The following RUBCN variants were observed in gnomAD, a reference collection of about 807,000 sequenced individuals.
RUBCN encodes run domain Beclin-1-interacting and cysteine-rich domain-containing protein.
In RUBCN, 74 loss-of-function variants were observed where a neutral mutation model predicts 113.2. That is an observed-to-expected ratio of 0.65 (90% CI 0.54 to 0.79). RUBCN has a LOEUF of 0.79. Ranked by LOEUF, RUBCN falls within the 30% of genes least tolerant of loss-of-function variation. The pLI, the probability that RUBCN is intolerant of heterozygous loss-of-function variation, is 0.00. For missense variants in RUBCN, 1,109 were observed against 1,251.7 expected (o/e 0.89, Z 1.72); for synonymous variants, 480 against 490.0 (o/e 0.98, Z 0.27).
Position 197,675,636 on chromosome 3 carries a change from G to T in RUBCN, c.2647-121C>A. The T allele has an allele frequency of 1.3e-6, 1 of 778,718 alleles. No individual in the cohort carries two copies. Among genetic ancestry groups the T allele is most frequent in the Non-Finnish European group, 2.3e-6 (1 of 442,740 alleles). The allele number at this position is 778,718 out of a possible 1,614,324, so 48.2% of individuals were successfully genotyped here. Reference sequence around the variant, plus strand: ...TCTGCTGCCCACAGGGAGGAGGCCTGGGCTGGACTCAGAAGCATGAAAGCT... The same window carrying T: ...TCTGCTGCCCACAGGGAGGAGGCCTTGGCTGGACTCAGAAGCATGAAAGCT... On this transcript the variant is annotated intron_variant, in intron 18 of 19. Coordinates refer to ENST00000296343, the MANE Select transcript of RUBCN (RefSeq NM_014687.4). This position sits in a 1 kb window ranked among gnomAD's most constrained non-coding sequence, Gnocchi z 4.4.
At chr3:197,682,438 T>C in intron 14 of RUBCN, 32 bp downstream of exon 14, 1 of 1,613,748 alleles carries the variant, frequency 6.2e-7, no homozygotes, top group Non-Finnish European at 8.5e-7. Context: ...GACGGATCTG[T>C]GCTCCAAAGG....
At chr3:197,734,996 A>C (rs1026449265) in intron 1 of RUBCN, among the ~76,000 whole-genome samples, 2 of 152,158 alleles carry the variant, frequency 1.3e-5, no homozygotes, top group African/African-American at 4.8e-5. Context: ...ACATCTCATA[A>C]ATCTTCCCTT....
chr3:197,742,767 C>T (rs6787318), intron 1 of RUBCN, among the ~76,000 whole-genome samples: 114,016 of 152,226 alleles, frequency 0.75, 45,809 homozygotes, highest in East Asian at 0.94. Context: ...CCTGAAGACC[C>T]GCGACCCAAG....
chr3:197,734,513 C>T (rs1232806086), intron 1 of RUBCN, among the ~76,000 whole-genome samples: 1 of 152,140 alleles, frequency 6.6e-6, no homozygotes, highest in Non-Finnish European at 1.5e-5. Flanking sequence ...TTACCCTGTC[C>T]ATTTCTCAGC....
In RUBCN at chr3:197,681,886, C is replaced by T. The variant is rs556887437; in HGVS notation, c.2140G>A (p.Val714Met). The change falls in exon 15 of 20, where the codon GTG (valine) becomes ATG (methionine). Residue 714 changes from valine (V) to methionine (M), a missense_variant. Physicochemically the swap from Val to Met is conservative, Grantham distance 21. Around this residue, in one of 3 missense-constraint regions of RUBCN, gnomAD observed 306 missense variants for 348.9 expected, o/e 0.88. Coordinates refer to ENST00000296343, the MANE Select transcript of RUBCN (RefSeq NM_014687.4). The surrounding 1 kb of genome is among the most constrained non-coding windows in gnomAD (Gnocchi z 5.5). ...GCACAGCGGTAATTCTGCTTGGCCA[C>T]GGCAATTTTCCTCCTGAGGAAGGGT... The part of the protein sequence containing the change: ...VHPAPTRKIA[V>M]AKQNYRCAGC... 26 of 1,613,830 alleles carry T rather than the reference C, an allele frequency of 1.6e-5. No individual in the cohort carries two copies. The highest frequency in any genetic ancestry group is 8.8e-5 in the South Asian group (8 of 91,074).
intron 11 of RUBCN, among the ~76,000 whole-genome samples, chr3:197,684,494 C>T (rs968142742): frequency 6.6e-6 from 1 of 152,104 alleles, no homozygotes; most frequent in Admixed American, 6.5e-5. Context: ...TGGTGTAAAA[C>T]AGTGAATGAG....
chr3:197,683,245 G>C lies in RUBCN; in HGVS notation c.1980+62C>G. 1.2e-6 allele frequency: 2 copies of C among 1,608,298 alleles called. No homozygotes were observed. Among genetic ancestry groups the C allele is most frequent in the Non-Finnish European group, 1.7e-6 (2 of 1,174,740 alleles). On this transcript the variant is annotated intron_variant, in intron 13 of 19. Coordinates refer to ENST00000296343, the MANE Select transcript of RUBCN (RefSeq NM_014687.4). This position sits in a 1 kb window ranked among gnomAD's most constrained non-coding sequence, Gnocchi z 4.6. The stretch of plus-strand genomic sequence containing the variant: ...TTCCAGACTAGGGACATGTGACGAA[G>C]GAAAACAAGGTCACAGAGGCTCACG...
chr3:197,710,729 C>T (rs75416802), intron 2 of RUBCN, among the ~76,000 whole-genome samples: 20,990 of 151,514 alleles, frequency 0.14, 2,196 homozygotes, highest in African/African-American at 0.29. Context: ...ACTAAATCTA[C>T]TGAAAATAGG....
chr3:197,700,784 A>C lies in RUBCN; in HGVS notation c.1090T>G (p.Ser364Ala), dbSNP rs1424421789. 6.2e-7 allele frequency: 1 copy of C among 1,614,048 alleles called. No homozygotes were observed. Among genetic ancestry groups the C allele is most frequent in the African/African-American group, 1.3e-5 (1 of 74,916 alleles). Residue 364 changes from serine (S) to alanine (A), a missense_variant, in exon 7 of 20, where the codon TCT becomes GCT. Physicochemically the swap from Ser to Ala is moderately conservative, Grantham distance 99. Coordinates refer to ENST00000296343, the MANE Select transcript of RUBCN (RefSeq NM_014687.4). ...FSSSSSQKPD[S>A]AASSLGDQEG... ...TGGTCCCCTAAGGAAGAGGCAGCAG[A>C]ATCTGGCTTCTGGGAGCTGCTGGAG... is the stretch of plus-strand genomic sequence containing the variant.
At chr3:197,747,051 T>C (rs770581409) in intron 1 of RUBCN, among the ~76,000 whole-genome samples, 1 of 152,120 alleles carries the variant, frequency 6.6e-6, no homozygotes, top group African/African-American at 2.4e-5. Flanking sequence ...CCCTGGCCCT[T>C]GTGGTTGGCT....
chr3:197,701,976 C>A, intron 5 of RUBCN, 112 bp from the exon 6 acceptor site: 1 of 977,720 alleles, frequency 1.0e-6, no homozygotes. Context: ...TGCAGTAGGC[C>A]TGGACTTTAG....
chr3:197,737,166 A>C (rs556563482), upstream of RUBCN: 18 of 207,326 alleles, frequency 8.7e-5, no homozygotes, highest in Non-Finnish European at 1.7e-4. Flanking sequence ...TGGTCTCAGG[A>C]ATCCGTGCCG....
In RUBCN at chr3:197,681,068, G is replaced by A. The variant is rs375210676; in HGVS notation, c.2430+61C>T. On this transcript the variant is annotated intron_variant, in intron 16 of 19. Transcript: ENST00000296343. The surrounding 1 kb of genome is among the most constrained non-coding windows in gnomAD (Gnocchi z 5.5). ...GGGGGAGGGGACGGGGGAGGGACGA[G>A]GGGAGGGGATGAGGGGAGGAGAAGG... The A allele has an allele frequency of 5.4e-3, 5,401 of 1,003,200 alleles. 46 individuals carry two copies. The highest frequency in any genetic ancestry group is 0.018 in the South Asian group (1,351 of 76,594). The allele number at this position is 1,003,200 out of a possible 1,614,324, so 62.1% of individuals were successfully genotyped here.
chr3:197,677,433 C>T (rs774203889), intron 17 of RUBCN, 47 bp downstream of exon 17: 26 of 1,515,030 alleles, frequency 1.7e-5, no homozygotes, highest in East Asian at 2.3e-5. Flanking sequence ...GTGTCCCTTT[C>T]GGAGACAGCA....
At chr3:197,734,618 C>G (rs976246573) in intron 1 of RUBCN, among the ~76,000 whole-genome samples, 3 of 152,064 alleles carry the variant, frequency 2.0e-5, no homozygotes, top group Non-Finnish European at 2.9e-5. Flanking sequence ...ATCTTAATAC[C>G]TTAAAACAAT....
chr3:197,676,091 G>T, intron 18 of RUBCN: 2 of 620,362 alleles, frequency 3.2e-6, no homozygotes, highest in Non-Finnish European at 4.1e-6. Flanking sequence ...CAATAACGAC[G>T]TGCGTTTGAG....
At chr3:197,693,687 T>C in intron 11 of RUBCN, 28 bp downstream of exon 11, 1 of 1,422,098 alleles carries the variant, frequency 7.0e-7, no homozygotes, top group Non-Finnish European at 1.0e-6. Context: ...GAATAAAAGT[T>C]CCCTTGTAAC....
intron 1 of RUBCN, among the ~76,000 whole-genome samples, chr3:197,742,961 A>C (rs1477181190): frequency 6.6e-6 from 1 of 152,050 alleles, no homozygotes; most frequent in Non-Finnish European, 1.5e-5. Context: ...GGTGGTCAAG[A>C]CTCCTGCCTT....
intron 1 of RUBCN, among the ~76,000 whole-genome samples, chr3:197,745,404 T>G (rs1251925755): frequency 6.6e-6 from 1 of 151,032 alleles, no homozygotes; most frequent in East Asian, 1.9e-4. Flanking sequence ...TTACCTGAGG[T>G]CGGGAGTTCG....
Sources: gnomAD v4.1 joint callset for allele counts (sites outside exome capture counted in the v4.1 genomes callset) on GRCh38, gnomAD v4.1.1 for gene constraint, gnomAD v4.1.1 regional missense constraint, Gnocchi (gnomAD v3.1) non-coding constraint, MANE v1.5 for transcripts, NCBI Gene and HGNC (gene_info 2026-07-23, HGNC 2026-07-21) for gene names.